Variants in UNC5D observed in about 807,000 individuals in gnomAD.
The protein encoded by UNC5D is netrin receptor UNC5D.
UNC5D carries 39 observed loss-of-function variants against 105.4 expected under a neutral mutation model. That is an observed-to-expected ratio of 0.37 (90% confidence interval 0.29 to 0.48). The LOEUF (loss-of-function observed/expected upper bound fraction) is 0.48, where lower values mean the gene tolerates loss of function less well. Ranked by LOEUF, UNC5D falls within the 20% of genes least tolerant of loss-of-function variation. UNC5D has a pLI of 0.98. For missense variants in UNC5D, 991 were observed against 1,202.4 expected (o/e 0.82, Z 2.60); for synonymous variants, 452 against 450.4 (o/e 1.00, Z -0.04).
At chr8:35,494,157 A>AT (rs1343253770) in intron 1 of UNC5D, among the ~76,000 whole-genome samples, 2 of 152,148 alleles carry the variant, frequency 1.3e-5, no homozygotes, top group African/African-American at 4.8e-5. Context: ...CTCTAAAGAA[A>AT]TATACAAACT....
chr8:35,666,067 A>C (rs1824400625), intron 4 of UNC5D, among the ~76,000 whole-genome samples: 1 of 151,336 alleles, frequency 6.6e-6, no homozygotes, highest in Non-Finnish European at 1.5e-5. Flanking sequence ...TGAATGGATT[A>C]TTAGGGATTG....
intron 3 of UNC5D, among the ~76,000 whole-genome samples, chr8:35,573,016 G>A (rs959456689): frequency 1.3e-5 from 2 of 151,964 alleles, no homozygotes; most frequent in African/African-American, 2.4e-5. Context: ...TGTTAGCCAG[G>A]ATGGTCTCGA....
intron 9 of UNC5D, among the ~76,000 whole-genome samples, chr8:35,724,820 T>A (rs533512730): frequency 6.6e-6 from 1 of 152,278 alleles, no homozygotes; most frequent in African/African-American, 2.4e-5. Context: ...GTCCTGCTTC[T>A]TTCCTGGGAA....
At chr8:35,324,331 T>G (rs1242755200) in intron 1 of UNC5D, among the ~76,000 whole-genome samples, 1 of 151,772 alleles carries the variant, frequency 6.6e-6, no homozygotes, top group Non-Finnish European at 1.5e-5. Flanking sequence ...GCTTCCTATG[T>G]GCCAAGTATC....
At chr8:35,315,623 A>G (rs1280518532) in intron 1 of UNC5D, among the ~76,000 whole-genome samples, 1 of 152,192 alleles carries the variant, frequency 6.6e-6, no homozygotes. Context: ...AGATTGAAGT[A>G]TGTGAGAAAT....
At chr8:35,745,767 A>G (rs1829971991) in intron 11 of UNC5D, among the ~76,000 whole-genome samples, 1 of 152,228 alleles carries the variant, frequency 6.6e-6, no homozygotes, top group South Asian at 2.1e-4. Context: ...TTCAGTCTAC[A>G]GACCACACTA....
chr8:35,358,783 A>T (rs1801698007), intron 1 of UNC5D, among the ~76,000 whole-genome samples: 1 of 152,210 alleles, frequency 6.6e-6, no homozygotes, highest in Non-Finnish European at 1.5e-5. Flanking sequence ...TCTGAGATAC[A>T]CAATTATGTC....
chr8:35,506,724 C>A (rs2589764), intron 1 of UNC5D, among the ~76,000 whole-genome samples: 70,114 of 151,992 alleles, frequency 0.46, 20,415 homozygotes, highest in African/African-American at 0.83. Flanking sequence ...TGATTGAATA[C>A]TTTTAGGGAA....
chr8:35,338,939 G>C (rs1375074624), intron 1 of UNC5D, among the ~76,000 whole-genome samples: 2 of 152,092 alleles, frequency 1.3e-5, no homozygotes, highest in African/African-American at 4.8e-5. Flanking sequence ...CCTTGGGGCT[G>C]CTGTTTTCAC....
intron 2 of UNC5D, among the ~76,000 whole-genome samples, chr8:35,564,480 G>T (rs540918104): frequency 6.6e-6 from 1 of 152,190 alleles, no homozygotes; most frequent in African/African-American, 2.4e-5. Flanking sequence ...TCGACCGTTT[G>T]CCCAGAGAGG....
intron 1 of UNC5D, among the ~76,000 whole-genome samples, chr8:35,438,663 T>C (rs560884872): frequency 1.1e-4 from 16 of 152,096 alleles, no homozygotes; most frequent in African/African-American, 3.9e-4. Flanking sequence ...AGATTTACAT[T>C]GATTCTGGCC....
intron 4 of UNC5D, among the ~76,000 whole-genome samples, chr8:35,670,719 G>A (rs1489200108): frequency 6.6e-6 from 1 of 152,042 alleles, no homozygotes; most frequent in Non-Finnish European, 1.5e-5. Context: ...GGGATGTGAG[G>A]GCAAGGGGAG....
At chr8:35,429,766 C>A (rs1429598136) in intron 1 of UNC5D, among the ~76,000 whole-genome samples, 3 of 152,050 alleles carry the variant, frequency 2.0e-5, no homozygotes, top group African/African-American at 7.2e-5. Context: ...TTCTTAGGAT[C>A]CTTTGTGATT....
intron 7 of UNC5D, among the ~76,000 whole-genome samples, chr8:35,688,063 C>T (rs569616077): frequency 1.1e-3 from 169 of 151,564 alleles, no homozygotes; most frequent in African/African-American, 3.8e-3. Flanking sequence ...ACCCGGGAGG[C>T]GGAGCTTGCA....
chr8:35,405,988 A>G (rs888753068), intron 1 of UNC5D, among the ~76,000 whole-genome samples: 1 of 152,186 alleles, frequency 6.6e-6, no homozygotes, highest in African/African-American at 2.4e-5. Context: ...CAAAAATTAA[A>G]TATTTCTGAG....
intron 1 of UNC5D, among the ~76,000 whole-genome samples, chr8:35,351,410 T>C: frequency 6.6e-6 from 1 of 152,174 alleles, no homozygotes; most frequent in Admixed American, 6.6e-5. Context: ...TATCTATACA[T>C]TTAGATTGTA....
At chr8:35,686,768 A>G in intron 7 of UNC5D, 59 bp downstream of exon 7, 1 of 1,504,394 alleles carries the variant, frequency 6.6e-7, no homozygotes, top group South Asian at 1.3e-5. Context: ...ATGCATCTCA[A>G]GAAAGTAAGC....
intron 2 of UNC5D, among the ~76,000 whole-genome samples, chr8:35,559,087 A>G (rs1350339648): frequency 6.6e-6 from 1 of 152,156 alleles, no homozygotes; most frequent in African/African-American, 2.4e-5. Flanking sequence ...GTTGTACTGG[A>G]GTAATTCTTT....
At chr8:35,651,862 T>C (rs1478411236) in intron 4 of UNC5D, among the ~76,000 whole-genome samples, 1 of 152,214 alleles carries the variant, frequency 6.6e-6, no homozygotes, top group Admixed American at 6.5e-5. Flanking sequence ...TTTACTGTTT[T>C]GCTGTGTGAC....
Sources: gnomAD v4.1 joint callset for allele counts (sites outside exome capture counted in the v4.1 genomes callset) on GRCh38, gnomAD v4.1.1 for gene constraint, MANE v1.5 for transcripts, NCBI Gene and HGNC (gene_info 2026-07-23, HGNC 2026-07-21) for gene names.